Variants in PRKAR2A observed in about 807,000 individuals in gnomAD.
The protein encoded by PRKAR2A is protein kinase cAMP-dependent type II regulatory subunit alpha.
Under a neutral mutation model 51.9 loss-of-function variants are expected in PRKAR2A, and 29 were observed. The observed-to-expected ratio is 0.56, with a 90% CI of 0.42 to 0.76. The LOEUF (loss-of-function observed/expected upper bound fraction) is 0.76. Among genes scored for constraint, PRKAR2A ranks in the 30% least tolerant of loss-of-function variants. PRKAR2A has a pLI of 0.00. For missense variants in PRKAR2A, 445 were observed against 512.1 expected (o/e 0.87, Z 1.26); for synonymous variants, 178 against 186.2 (o/e 0.96, Z 0.36).
chr3:48,810,795 T>G (rs1254434390), intron 1 of PRKAR2A, among the ~76,000 whole-genome samples: 2 of 151,994 alleles, frequency 1.3e-5, no homozygotes, highest in Non-Finnish European at 2.9e-5. Context: ...AGAAACAAAT[T>G]GCCTAGAAAA....
At chr3:48,827,032 T>C (rs2083079962) in intron 1 of PRKAR2A, among the ~76,000 whole-genome samples, 1 of 152,212 alleles carries the variant, frequency 6.6e-6, no homozygotes, top group Admixed American at 6.5e-5. Flanking sequence ...CTGAAAATTA[T>C]TAGGATTTCA....
At chr3:48,837,878 CG>C (rs2083309005) in intron 1 of PRKAR2A, among the ~76,000 whole-genome samples, 1 of 151,768 alleles carries the variant, frequency 6.6e-6, no homozygotes, top group South Asian at 2.1e-4. Flanking sequence ...TAAGTGCCAG[CG>C]GCAAAAGACC....
In PRKAR2A at chr3:48,747,491, C is replaced by T. The variant is rs922675040; in HGVS notation, c.*4094G>A. The T allele has an allele frequency of 2.0e-5, 3 of 152,158 alleles. No individual in the cohort carries two copies. Among genetic ancestry groups the T allele is most frequent in the Admixed American group, 1.3e-4 (2 of 15,266 alleles). 9.4% of individuals were successfully genotyped at this position (152,158 alleles called of 1,614,324 possible). Reference sequence around the variant, plus strand: ...CAATCAGAGGATAAACATAACCTCTCCTGGCTGGAGAACCATTTCTTGCGA... The same window carrying T: ...CAATCAGAGGATAAACATAACCTCTTCTGGCTGGAGAACCATTTCTTGCGA... On this transcript the variant is annotated 3_prime_UTR_variant, in exon 11 of 11. Coordinates refer to ENST00000265563, the MANE Select transcript of PRKAR2A (RefSeq NM_004157.4).
At chr3:48,785,586 A>G (rs1211804161) in intron 4 of PRKAR2A, among the ~76,000 whole-genome samples, 1 of 151,370 alleles carries the variant, frequency 6.6e-6, no homozygotes, top group East Asian at 1.9e-4. Flanking sequence ...TAGTAGAGAC[A>G]GGGTTTCACC....
chr3:48,834,453 G>T (rs1313607336), intron 1 of PRKAR2A, among the ~76,000 whole-genome samples: 1 of 152,162 alleles, frequency 6.6e-6, no homozygotes, highest in African/African-American at 2.4e-5. Flanking sequence ...GTGAAAAGAA[G>T]GCTGGGCGCA....
Position 48,787,015 on chromosome 3 carries a change from G to A in PRKAR2A, c.435+3529C>T, listed in dbSNP as rs147389345. ...GAATGACTAACTAGTACTCTTCAAA[G>A]TGTCAAGATTATGAAAGACAAGTAA... On this transcript the variant is annotated intron_variant, in intron 4 of 10. Coordinates refer to ENST00000265563, the MANE Select transcript of PRKAR2A (RefSeq NM_004157.4). 3.5e-3 allele frequency among the ~76,000 whole-genome samples: 536 copies of A among 152,206 alleles called. 6 individuals are homozygous for A. Among genetic ancestry groups the A allele is most frequent in the African/African-American group, 0.012 (507 of 41,536 alleles).
chr3:48,806,962 G>A (rs1254433551), intron 2 of PRKAR2A, among the ~76,000 whole-genome samples: 3 of 151,842 alleles, frequency 2.0e-5, no homozygotes, highest in Non-Finnish European at 2.9e-5. Flanking sequence ...TAGTAGAGAC[G>A]GGGTTTCACC....
At chr3:48,840,837 A>G (rs895095632) in intron 1 of PRKAR2A, among the ~76,000 whole-genome samples, 1 of 143,270 alleles carries the variant, frequency 7.0e-6, no homozygotes, top group Non-Finnish European at 1.5e-5. Context: ...CGGCCTCCCA[A>G]AGTGCTGGGA....
chr3:48,756,696 G>A lies in PRKAR2A; in HGVS notation c.874-252C>T, dbSNP rs368066408. Reference sequence around the variant, plus strand: ...CTGAGTCAGGCATGCAGATATACGCGAAGCAGCTTTCAGGCACACTTCAGT... The same window carrying A: ...CTGAGTCAGGCATGCAGATATACGCAAAGCAGCTTTCAGGCACACTTCAGT... On this transcript the variant is annotated intron_variant, in intron 8 of 10. Transcript: ENST00000265563. Among the ~76,000 whole-genome samples the A allele has an allele frequency of 1.4e-4, 21 of 152,232 alleles. No homozygotes were observed. In the East Asian group the frequency reaches 2.5e-3, roughly 18 times the overall value.
chr3:48,827,428 T>C (rs980657309), intron 1 of PRKAR2A, among the ~76,000 whole-genome samples: 6 of 152,180 alleles, frequency 3.9e-5, no homozygotes, highest in African/African-American at 1.2e-4. Context: ...AATTTTACTT[T>C]TAAAATATTG....
At chr3:48,746,023 G>C (rs1244450300), downstream of PRKAR2A, among the ~76,000 whole-genome samples, 1 of 152,094 alleles carries the variant, frequency 6.6e-6, no homozygotes, top group East Asian at 1.9e-4. Flanking sequence ...GACGCTAACT[G>C]AAACACTGGT....
intron 4 of PRKAR2A, among the ~76,000 whole-genome samples, chr3:48,788,717 A>C (rs1422554454): frequency 3.9e-5 from 6 of 152,156 alleles, no homozygotes; most frequent in Non-Finnish European, 8.8e-5. Flanking sequence ...ACCATGTGAG[A>C]ACACACAGAG....
rs569041219 is a variant in PRKAR2A at position 48,783,155 on chromosome 3, A to G, written c.436-63T>C. On this transcript the variant is annotated intron_variant, in intron 4 of 10. Transcript: ENST00000265563. ...CATATGCTGAAAAAAAGCAGTGACC[A>G]TAATTATCTCAATTTGTGACTATGT... 14 of 1,048,628 alleles carry G rather than the reference A, an allele frequency of 1.3e-5. No homozygotes were observed. The South Asian group carries it at 1.7e-4, about 13-fold the overall frequency. The allele number at this position is 1,048,628 out of a possible 1,614,324, so 65.0% of individuals were successfully genotyped here.
chr3:48,780,684 G>C (rs376394468), intron 5 of PRKAR2A, among the ~76,000 whole-genome samples: 1 of 151,684 alleles, frequency 6.6e-6, no homozygotes, highest in East Asian at 1.9e-4. Context: ...TACTCAAGGA[G>C]GGAGAGTATT....
At chr3:48,835,286 G>A (rs868169133) in intron 1 of PRKAR2A, among the ~76,000 whole-genome samples, 1 of 150,564 alleles carries the variant, frequency 6.6e-6, no homozygotes, top group African/African-American at 2.4e-5. Context: ...GATAACTTTT[G>A]AAACCAGGAG....
At chr3:48,816,575 T>C (rs773001736) in intron 1 of PRKAR2A, among the ~76,000 whole-genome samples, 1 of 151,422 alleles carries the variant, frequency 6.6e-6, no homozygotes, top group Non-Finnish European at 1.5e-5. Flanking sequence ...GAGGTGGGGG[T>C]TGCAGTGAGC....
chr3:48,838,760 C>CCT (rs1183104734), intron 1 of PRKAR2A, among the ~76,000 whole-genome samples: 6 of 150,044 alleles, frequency 4.0e-5, no homozygotes, highest in East Asian at 2.0e-4. Context: ...AGGCGGATCA[C>CCT]GAGGTCAGGA....
At chr3:48,760,736 G>A (rs2081851405) in intron 8 of PRKAR2A, among the ~76,000 whole-genome samples, 1 of 151,096 alleles carries the variant, frequency 6.6e-6, no homozygotes, top group Non-Finnish European at 1.5e-5. Context: ...TCAGGAAGCT[G>A]AGGCAGGAGA....
chr3:48,812,497 T>C (rs2082790952), intron 1 of PRKAR2A, among the ~76,000 whole-genome samples: 1 of 151,764 alleles, frequency 6.6e-6, no homozygotes, highest in Non-Finnish European at 1.5e-5. Flanking sequence ...CTTTTTTTTT[T>C]TTTTTTCGAG....
Sources: allele counts gnomAD v4.1 joint callset (sites outside exome capture counted in the v4.1 genomes callset), GRCh38; gene constraint gnomAD v4.1.1; transcripts MANE v1.5; gene names NCBI Gene and HGNC (gene_info 2026-07-23, HGNC 2026-07-21).